MACROH2A1: variants seen among roughly 807,000 people sequenced by gnomAD.
MACROH2A1 encodes the protein macroH2A.1 histone.
In MACROH2A1, 2 loss-of-function variants were observed where a neutral mutation model predicts 31.6. The ratio of observed to expected loss-of-function variants is 0.06; its 90% CI spans 0.03 to 0.20. The LOEUF (loss-of-function observed/expected upper bound fraction) is 0.20, where lower values mean the gene tolerates loss of function less well. Ranked by LOEUF, MACROH2A1 falls within the 10% of genes least tolerant of loss-of-function variation. The pLI is 1.00. For missense variants in MACROH2A1, 230 were observed against 474.0 expected (o/e 0.49, Z 4.78); for synonymous variants, 169 against 189.6 (o/e 0.89, Z 0.89).
At chr5:135,352,131 T>C (rs1028548790) in intron 6 of MACROH2A1, among the ~76,000 whole-genome samples, 4 of 152,212 alleles carry the variant, frequency 2.6e-5, no homozygotes, top group Admixed American at 1.3e-4. Flanking sequence ...ACAAAATAGA[T>C]TGCAGTTGAG....
In MACROH2A1 at chr5:135,369,108, G is replaced by A. The variant is rs1763870893; in HGVS notation, c.477+298C>T. Among the ~76,000 whole-genome samples, 1 of 152,184 alleles carries A rather than the reference G, an allele frequency of 6.6e-6. No homozygotes were observed. Among genetic ancestry groups the A allele is most frequent in the Non-Finnish European group, 1.5e-5 (1 of 68,018 alleles). On this transcript the variant is annotated intron_variant, in intron 4 of 8. Transcript: ENST00000511689. The surrounding 1 kb of genome is among the most constrained non-coding windows in gnomAD (Gnocchi z 4.3). ...TTCCCACAGGTGTGTGCATCTCCCT[G>A]GAAGGGCCAGCTTGGGAGTCCTTCC...
chr5:135,334,645 C>T lies in MACROH2A1; in HGVS notation c.*331G>A, dbSNP rs1462287093. 7 of 214,400 alleles carry T rather than the reference C, an allele frequency of 3.3e-5. No individual in the cohort carries two copies. Among genetic ancestry groups the T allele is most frequent in the East Asian group, 1.1e-4 (1 of 8,870 alleles). The allele number at this position is 214,400 out of a possible 1,614,324, so 13.3% of individuals were successfully genotyped here. On this transcript the variant is annotated 3_prime_UTR_variant, in exon 9 of 9. Transcript: ENST00000511689. ...GCTTACAAACGGGGCTTCCTGGCTTCGGTGACAGGTAAAAGACGCTGTTCT... is the reference window on the plus strand; with the variant it reads ...GCTTACAAACGGGGCTTCCTGGCTTTGGTGACAGGTAAAAGACGCTGTTCT...
intron 2 of MACROH2A1, among the ~76,000 whole-genome samples, chr5:135,382,289 T>G (rs1413603914): frequency 6.6e-6 from 1 of 152,244 alleles, no homozygotes; most frequent in African/African-American, 2.4e-5. Context: ...CAGACCCTGA[T>G]GGTAAAAATA....
rs372709472 is a variant in MACROH2A1, at chr5:135,392,066, A to C, written c.-33-2940T>G. 9.2e-5 allele frequency among the ~76,000 whole-genome samples: 14 copies of C among 152,202 alleles called. No individual in the cohort carries two copies. In the East Asian group the frequency reaches 1.5e-3, roughly 17 times the overall value. On this transcript the variant is annotated intron_variant, in intron 1 of 8. Coordinates refer to ENST00000511689, the MANE Select transcript of MACROH2A1 (RefSeq NM_138610.3). ...TTGAGCCTGTCACACTGTGTTAAGG[A>C]TGTCTCTGAACACGCAGTTCTCCTG...
At chr5:135,349,046 C>T (rs372689277) in intron 6 of MACROH2A1, among the ~76,000 whole-genome samples, 6 of 152,326 alleles carry the variant, frequency 3.9e-5, no homozygotes, top group African/African-American at 1.4e-4. Context: ...TTCCTCAAGG[C>T]TTCAGCCCTA....
At chr5:135,348,680 C>T (rs1400588965) in intron 6 of MACROH2A1, among the ~76,000 whole-genome samples, 1 of 152,216 alleles carries the variant, frequency 6.6e-6, no homozygotes, top group East Asian at 1.9e-4. Flanking sequence ...TAAAAGATAT[C>T]TGGGGTCAAT....
rs779125489 is a variant in MACROH2A1 at position 135,345,925 on chromosome 5, C to T, written c.778+43G>A. 16 of 1,291,076 alleles carry T rather than the reference C, an allele frequency of 1.2e-5. No individual in the cohort carries two copies. In the East Asian group the frequency reaches 3.2e-4, roughly 26 times the overall value. 80.0% of individuals were successfully genotyped at this position (1,291,076 alleles called of 1,614,324 possible). On this transcript the variant is annotated intron_variant, in intron 7 of 8. Coordinates refer to ENST00000511689, the MANE Select transcript of MACROH2A1 (RefSeq NM_138610.3). ...TCACAAAATGGCTTTCCTAATACTG[C>T]ATGTGTCACAACCAGATAAGCACGG...
At chr5:135,368,871 C>T (rs1763841300) in intron 4 of MACROH2A1, among the ~76,000 whole-genome samples, 1 of 152,198 alleles carries the variant, frequency 6.6e-6, no homozygotes. Context: ...AGGACCCAGC[C>T]AATCCAAGTT....
intron 1 of MACROH2A1, among the ~76,000 whole-genome samples, chr5:135,397,573 G>T (rs568243347): frequency 4.6e-5 from 7 of 152,306 alleles, no homozygotes; most frequent in African/African-American, 1.7e-4. Flanking sequence ...TGTAAAACTA[G>T]AAGGGGGAAG....
At chr5:135,348,981 A>T (rs542063907) in intron 6 of MACROH2A1, among the ~76,000 whole-genome samples, 4 of 152,298 alleles carry the variant, frequency 2.6e-5, no homozygotes, top group African/African-American at 7.2e-5. Context: ...CATTCCAGTC[A>T]CAATTCAGGA....
intron 8 of MACROH2A1, among the ~76,000 whole-genome samples, chr5:135,336,389 T>C (rs1331455976): frequency 1.3e-5 from 2 of 152,226 alleles, no homozygotes; most frequent in African/African-American, 4.8e-5. Flanking sequence ...TAGGAGCTTC[T>C]GGATGCCTCA....
chr5:135,337,582 A>T (rs1205256284), intron 8 of MACROH2A1, among the ~76,000 whole-genome samples: 1 of 152,276 alleles, frequency 6.6e-6, no homozygotes, highest in East Asian at 1.9e-4. Context: ...CTCAAGCTTT[A>T]GCCTGCATCA....
At chr5:135,386,489 A>G (rs1766420355) in intron 2 of MACROH2A1, among the ~76,000 whole-genome samples, 1 of 152,196 alleles carries the variant, frequency 6.6e-6, no homozygotes, top group Non-Finnish European at 1.5e-5. Context: ...AATATACAAG[A>G]GCTGATGTGG....
intron 2 of MACROH2A1, among the ~76,000 whole-genome samples, chr5:135,388,472 G>C (rs1157053547): frequency 6.6e-6 from 1 of 152,090 alleles, no homozygotes; most frequent in Non-Finnish European, 1.5e-5. Context: ...CAACTAGCCT[G>C]GACTCTTCAA....
intron 5 of MACROH2A1, chr5:135,354,977 C>G (rs2149784990): frequency 4.7e-6 from 2 of 423,894 alleles, no homozygotes; most frequent in Non-Finnish European, 9.5e-6. Flanking sequence ...TTTAAGGCAC[C>G]TATAAATTCC....
chr5:135,395,129 A>G (rs1286695659), intron 1 of MACROH2A1, among the ~76,000 whole-genome samples: 1 of 152,128 alleles, frequency 6.6e-6, no homozygotes, highest in Admixed American at 6.5e-5. Flanking sequence ...TGACTCTGTG[A>G]CAGTTCTATG....
At chr5:135,380,292 T>C (rs1319662776) in intron 2 of MACROH2A1, among the ~76,000 whole-genome samples, 2 of 152,182 alleles carry the variant, frequency 1.3e-5, no homozygotes, top group Non-Finnish European at 1.5e-5. Flanking sequence ...AGGCACGTCA[T>C]AGGTACCCTA....
chr5:135,351,190 A>G (rs1761493073), intron 6 of MACROH2A1: 1 of 279,750 alleles, frequency 3.6e-6, no homozygotes, highest in South Asian at 1.1e-4. Context: ...GTTAAAAGAA[A>G]TAAAATGAAT....
chr5:135,388,821 G>T, intron 2 of MACROH2A1, 101 bp downstream of exon 2: 2 of 968,188 alleles, frequency 2.1e-6, no homozygotes, highest in Non-Finnish European at 3.1e-6. Context: ...CTGTAGGTTT[G>T]AGCTGTTTCA....
Sources: gnomAD v4.1 joint callset for allele counts (sites outside exome capture counted in the v4.1 genomes callset) on GRCh38, gnomAD v4.1.1 for gene constraint, Gnocchi (gnomAD v3.1) non-coding constraint, MANE v1.5 for transcripts, NCBI Gene and HGNC (gene_info 2026-07-23, HGNC 2026-07-21) for gene names.